The following ADAMTS12 variants were observed in gnomAD, a reference collection of about 807,000 sequenced individuals.
The protein encoded by ADAMTS12 is ADAM metallopeptidase with thrombospondin type 1 motif 12, also known as A disintegrin and metalloproteinase with thrombospondin motifs 12.
Under a neutral mutation model 167.8 loss-of-function variants are expected in ADAMTS12, and 118 were observed. That is an observed-to-expected ratio of 0.70 (90% CI 0.61 to 0.82). The LOEUF is 0.82. Ranked by LOEUF, ADAMTS12 falls within the 40% of genes least tolerant of loss-of-function variation. The probability of loss-of-function intolerance (pLI) is 0.00; values close to 1 mark genes in which losing one functional copy is unlikely to be tolerated. For synonymous variants in ADAMTS12, 704 were observed against 716.9 expected (o/e 0.98, Z 0.29); for missense variants, 1,916 against 1,998.8 (o/e 0.96, Z 0.79).
At chr5:33,813,458 G>A (rs1257480131) in intron 2 of ADAMTS12, among the ~76,000 whole-genome samples, 1 of 152,190 alleles carries the variant, frequency 6.6e-6, no homozygotes, top group Admixed American at 6.5e-5. Context: ...GTTCTTTGCA[G>A]CCATTCCCCA....
At position 33,524,262 on chromosome 5, in the gene ADAMTS12, T is replaced by G. The variant is rs1295063147; in HGVS notation, c.*2926A>C. Reference sequence around the variant, plus strand: ...TGAAGAAAGTAATCACTATTAAGTCTCCTGGAATATTGTTCTCTCGTGGTG... The same window carrying G: ...TGAAGAAAGTAATCACTATTAAGTCGCCTGGAATATTGTTCTCTCGTGGTG... On this transcript the variant is annotated 3_prime_UTR_variant, in exon 24 of 24. Coordinates refer to ENST00000504830, the MANE Select transcript of ADAMTS12 (RefSeq NM_030955.4). 1 of 152,206 alleles carries G rather than the reference T, an allele frequency of 6.6e-6. No individual in the cohort carries two copies. Among genetic ancestry groups the G allele is most frequent in the South Asian group, 2.1e-4 (1 of 4,814 alleles). 9.4% of individuals were successfully genotyped at this position (152,206 alleles called of 1,614,324 possible).
intron 22 of ADAMTS12, among the ~76,000 whole-genome samples, chr5:33,540,565 C>A (rs75610429): frequency 1.3e-5 from 2 of 152,290 alleles, no homozygotes; most frequent in Admixed American, 6.5e-5. Context: ...CAGGGGCCAA[C>A]AGACACATCA....
At chr5:33,699,023 G>C (rs1182153078) in intron 3 of ADAMTS12, among the ~76,000 whole-genome samples, 1 of 152,120 alleles carries the variant, frequency 6.6e-6, no homozygotes. Context: ...CAGGTGTGGT[G>C]GTGGGCACCT....
intron 5 of ADAMTS12, among the ~76,000 whole-genome samples, chr5:33,679,237 A>G (rs1561210287): frequency 6.6e-6 from 1 of 152,258 alleles, no homozygotes; most frequent in Non-Finnish European, 1.5e-5. Context: ...GTTTAAGAAT[A>G]AAGCCATTGC....
intron 11 of ADAMTS12, 53 bp downstream of exon 11, chr5:33,641,757 A>T (rs1740452880): frequency 6.8e-7 from 1 of 1,479,364 alleles, no homozygotes; most frequent in Non-Finnish European, 9.1e-7. Context: ...ACTGCCCCCC[A>T]TCCCGCCCCC....
chr5:33,546,846 A>G (rs1238660231), intron 21 of ADAMTS12, among the ~76,000 whole-genome samples: 1 of 152,248 alleles, frequency 6.6e-6, no homozygotes, highest in African/African-American at 2.4e-5. Flanking sequence ...AGAATGTTTG[A>G]AAAGTTCCTA....
rs1021565051 is a variant in ADAMTS12, at chr5:33,523,806, G to A, written c.*3382C>T. On this transcript the variant is annotated 3_prime_UTR_variant, in exon 24 of 24. Coordinates refer to ENST00000504830, the MANE Select transcript of ADAMTS12 (RefSeq NM_030955.4). The stretch of plus-strand genomic sequence containing the variant: ...ACTTGAATAAGCAGTACAGACAACA[G>A]GAGTAGCATCAAATATGTTAGCTAG... 1 of 152,194 alleles carries A rather than the reference G, an allele frequency of 6.6e-6. No homozygotes were observed. Among genetic ancestry groups the A allele is most frequent in the African/African-American group, 2.4e-5 (1 of 41,438 alleles). 9.4% of individuals were successfully genotyped at this position (152,194 alleles called of 1,614,324 possible).
At chr5:33,567,679 A>G (rs1208808431) in intron 19 of ADAMTS12, among the ~76,000 whole-genome samples, 1 of 152,232 alleles carries the variant, frequency 6.6e-6, no homozygotes, top group East Asian at 1.9e-4. Flanking sequence ...CCACTGTGGT[A>G]ATAGAGGGAC....
At chr5:33,690,732 TATA>T (rs1742520042) in intron 3 of ADAMTS12, among the ~76,000 whole-genome samples, 1 of 152,082 alleles carries the variant, frequency 6.6e-6, no homozygotes, top group Admixed American at 6.6e-5. Context: ...TTATATTAAA[TATA>T]ATAATGGATT....
rs184234614 is a variant in ADAMTS12, at chr5:33,608,273, A to G, written c.2527+5965T>C. 5.9e-5 allele frequency among the ~76,000 whole-genome samples: 9 copies of G among 152,350 alleles called. No individual in the cohort carries two copies. In the East Asian group the frequency reaches 1.7e-3, roughly 29 times the overall value. On this transcript the variant is annotated intron_variant, in intron 16 of 23. Transcript: ENST00000504830. ...AGGAGTTTACAATCTGGCAAAGGAG[A>G]TAAGACGTGCACACAAATATTATAA...
chr5:33,796,131 G>A (rs1224151520), intron 2 of ADAMTS12, among the ~76,000 whole-genome samples: 2 of 152,208 alleles, frequency 1.3e-5, no homozygotes, highest in Non-Finnish European at 1.5e-5. Flanking sequence ...CATACGTACT[G>A]TGGATATGCT....
chr5:33,559,913 A>C (rs971572885), intron 20 of ADAMTS12, among the ~76,000 whole-genome samples: 1 of 152,164 alleles, frequency 6.6e-6, no homozygotes, highest in African/African-American at 2.4e-5. Context: ...TAAGAAGATC[A>C]GTGCAGGGAG....
chr5:33,739,041 C>T (rs1267590511), intron 3 of ADAMTS12, among the ~76,000 whole-genome samples: 3 of 152,134 alleles, frequency 2.0e-5, no homozygotes, highest in Non-Finnish European at 4.4e-5. Flanking sequence ...GACTCCCTTG[C>T]TAGTTAGGTT....
Position 33,557,438 on chromosome 5 carries a change from G to A in ADAMTS12, c.4125+3589C>T, listed in dbSNP as rs183684723. Among the ~76,000 whole-genome samples the A allele has an allele frequency of 8.5e-5, 13 of 152,248 alleles. No homozygotes were observed. The East Asian group carries it at 1.9e-3, about 23-fold the overall frequency. ...GCATAAAAGGCCTATCAGAATTAGC[G>A]AAGCTCAGAGGGAAGGCCTTCAAAT... On this transcript the variant is annotated intron_variant, in intron 20 of 23. Transcript: ENST00000504830.
chr5:33,654,585 G>T (rs1210611455), intron 7 of ADAMTS12, among the ~76,000 whole-genome samples: 1 of 152,242 alleles, frequency 6.6e-6, no homozygotes, highest in Admixed American at 6.5e-5. Flanking sequence ...ACAGGGGTGG[G>T]GCTAGGGGAG....
intron 3 of ADAMTS12, among the ~76,000 whole-genome samples, chr5:33,730,414 A>T (rs1052649135): frequency 9.2e-5 from 14 of 151,968 alleles, no homozygotes; most frequent in Non-Finnish European, 1.8e-4. Context: ...AGGAGGGGCC[A>T]CAAAAGCTGT....
intron 2 of ADAMTS12, among the ~76,000 whole-genome samples, chr5:33,876,929 A>C (rs1479075101): frequency 6.6e-6 from 1 of 152,244 alleles, no homozygotes; most frequent in African/African-American, 2.4e-5. Flanking sequence ...CTATTCCAAA[A>C]TAAAAAGTTT....
intron 16 of ADAMTS12, among the ~76,000 whole-genome samples, chr5:33,612,009 A>G (rs1738750707): frequency 6.6e-6 from 1 of 152,226 alleles, no homozygotes; most frequent in Admixed American, 6.5e-5. Flanking sequence ...GCCTAAATAA[A>G]ATAAAAATCC....
chr5:33,813,838 C>A (rs200228621), intron 2 of ADAMTS12, among the ~76,000 whole-genome samples: 1 of 152,208 alleles, frequency 6.6e-6, no homozygotes, highest in African/African-American at 2.4e-5. Flanking sequence ...ACATGCTGTG[C>A]CCCCTGAGCT....
Sources: gnomAD v4.1 joint callset for allele counts (sites outside exome capture counted in the v4.1 genomes callset) on GRCh38, gnomAD v4.1.1 for gene constraint, MANE v1.5 for transcripts, NCBI Gene and HGNC (gene_info 2026-07-23, HGNC 2026-07-21) for gene names.